GCNT2: variants seen among roughly 807,000 people sequenced by gnomAD.
The protein encoded by GCNT2 is glucosaminyl (N-acetyl) transferase 2 (I blood group).
A neutral mutation model predicts 34.2 loss-of-function variants in GCNT2; 34 were observed. The ratio of observed to expected loss-of-function variants is 1.00; its 90% CI spans 0.76 to 1.32. The LOEUF (loss-of-function observed/expected upper bound fraction) is 1.32, where lower values mean the gene tolerates loss of function less well. Ranked by LOEUF, GCNT2 falls within the 40% of genes most tolerant of loss-of-function variation. The pLI is 0.00. For synonymous variants in GCNT2, 212 were observed against 188.0 expected, an observed-to-expected ratio of 1.13 and a Z score of -1.04; for missense variants, 584 against 489.4, an observed-to-expected ratio of 1.19 and a Z score of -1.82.
At chr6:10,540,870 T>C (rs67028536) in intron 3 of GCNT2, among the ~76,000 whole-genome samples, 12,032 of 152,168 alleles carry the variant, frequency 0.079, 611 homozygotes, top group Middle Eastern at 0.16. Context: ...CAAACATCCT[T>C]TGCTGCCACC....
At chr6:10,525,271 A>G (rs1486372297) in intron 1 of GCNT2, among the ~76,000 whole-genome samples, 2 of 152,150 alleles carry the variant, frequency 1.3e-5, no homozygotes, top group East Asian at 3.8e-4. Flanking sequence ...CATAATATAC[A>G]CCCTGCCAGT....
At chr6:10,590,957 C>G (rs946503536) in intron 3 of GCNT2, among the ~76,000 whole-genome samples, 1 of 152,114 alleles carries the variant, frequency 6.6e-6, no homozygotes, top group African/African-American at 2.4e-5. Context: ...TTATGTCTAA[C>G]TCTGTCTAAC....
chr6:10,536,112 G>C (rs1761738771), intron 3 of GCNT2, among the ~76,000 whole-genome samples: 1 of 152,260 alleles, frequency 6.6e-6, no homozygotes, highest in Non-Finnish European at 1.5e-5. Context: ...TTTGGGAGCA[G>C]AGAAGGGCAG....
At chr6:10,613,085 G>A (rs1282870428) in intron 3 of GCNT2, among the ~76,000 whole-genome samples, 1 of 152,146 alleles carries the variant, frequency 6.6e-6, no homozygotes, top group Non-Finnish European at 1.5e-5. Flanking sequence ...GTATATATGT[G>A]AGCTTAAATA....
chr6:10,556,398 CTT>C (rs749542199), intron 3 of GCNT2: 2 of 1,613,210 alleles, frequency 1.2e-6, no homozygotes, highest in Non-Finnish European at 1.7e-6. Context: ...TTGACGGTCT[CTT>C]GACATTTCAC....
intron 3 of GCNT2, among the ~76,000 whole-genome samples, chr6:10,539,652 G>A (rs200387982): frequency 3.4e-5 from 5 of 147,620 alleles, no homozygotes; most frequent in Non-Finnish European, 6.0e-5. Context: ...GAGAGAGAGA[G>A]AAAACAGATG....
chr6:10,523,080 T>G (rs1244711433), intron 1 of GCNT2, among the ~76,000 whole-genome samples: 2 of 152,208 alleles, frequency 1.3e-5, no homozygotes, highest in Non-Finnish European at 2.9e-5. Flanking sequence ...CTATTTAACT[T>G]TGCTCAGTCT....
intron 3 of GCNT2, among the ~76,000 whole-genome samples, chr6:10,582,438 A>AT (rs1174624541): frequency 1.7e-5 from 2 of 120,186 alleles, no homozygotes; most frequent in Admixed American, 9.4e-5. Flanking sequence ...ATAATTTAAT[A>AT]TTTATTATAT....
At chr6:10,543,053 A>C (rs998205353) in intron 3 of GCNT2, among the ~76,000 whole-genome samples, 1 of 151,238 alleles carries the variant, frequency 6.6e-6, no homozygotes, top group African/African-American at 2.4e-5. Context: ...GATTACAGGC[A>C]TGCGCCACCA....
intron 3 of GCNT2, among the ~76,000 whole-genome samples, chr6:10,538,281 G>A (rs1441224119): frequency 2.0e-5 from 3 of 150,934 alleles, no homozygotes; most frequent in East Asian, 1.9e-4. Context: ...GGTGGTGCAC[G>A]CCTGTAATCC....
intron 3 of GCNT2, among the ~76,000 whole-genome samples, chr6:10,552,588 A>G (rs1378686076): frequency 6.6e-6 from 1 of 152,040 alleles, no homozygotes; most frequent in African/African-American, 2.4e-5. Flanking sequence ...TAATTTAGAG[A>G]TGATTTAAAG....
At chr6:10,579,827 A>C (rs1387750510) in intron 3 of GCNT2, among the ~76,000 whole-genome samples, 2 of 22,236 alleles carry the variant, frequency 9.0e-5, no homozygotes, top group Non-Finnish European at 2.3e-4. Context: ...AAAAACAAAC[A>C]AAAAAAAAAA....
chr6:10,617,750 C>CTTTTTTTTTTTTTTT lies in GCNT2; in HGVS notation c.926-3593_926-3579dup, dbSNP rs3064178. On this transcript the variant is annotated intron_variant, in intron 3 of 4. Transcript: ENST00000495262. Reference sequence around the variant, plus strand: ...CACCTGGCCAGAGTCTGCATTTCTTCTTTTTTTTTTTTTTTTTTTTTTGAC... The same window carrying CTTTTTTTTTTTTTTT: ...CACCTGGCCAGAGTCTGCATTTCTTCTTTTTTTTTTTTTTTTTTTTTTTTTTTTTTTTTTTTTGAC... Among the ~76,000 whole-genome samples, 70 of 101,690 alleles carry CTTTTTTTTTTTTTTT rather than the reference C, an allele frequency of 6.9e-4. 7 individuals carry two copies. The highest frequency in any genetic ancestry group is 3.4e-3 in the African/African-American group (67 of 19,898). The allele number at this position is 101,690 out of a possible 152,430, so 66.7% of individuals were successfully genotyped here.
At chr6:10,575,077 C>T in intron 3 of GCNT2, 1 of 565,910 alleles carries the variant, frequency 1.8e-6, no homozygotes, top group Non-Finnish European at 3.3e-6. Context: ...GGGGGTGTTC[C>T]TTTTTGAACA....
At chr6:10,540,443 G>A (rs914950544) in intron 3 of GCNT2, among the ~76,000 whole-genome samples, 2 of 152,050 alleles carry the variant, frequency 1.3e-5, no homozygotes, top group African/African-American at 4.8e-5. Context: ...TCCTGCAGAA[G>A]CAGCTCCCCT....
At chr6:10,580,759 T>C (rs1220606308) in intron 3 of GCNT2, among the ~76,000 whole-genome samples, 3 of 152,088 alleles carry the variant, frequency 2.0e-5, no homozygotes, top group Non-Finnish European at 4.4e-5. Flanking sequence ...TCACCTGCAG[T>C]GGAAGCAGAG....
chr6:10,624,165 G>T (rs1305676101), intron 4 of GCNT2, among the ~76,000 whole-genome samples: 1 of 152,140 alleles, frequency 6.6e-6, no homozygotes, highest in African/African-American at 2.4e-5. Context: ...CCCTTCCTAA[G>T]GGACACCTTT....
intron 3 of GCNT2, among the ~76,000 whole-genome samples, chr6:10,615,367 T>G (rs1055965336): frequency 2.0e-5 from 3 of 152,190 alleles, no homozygotes; most frequent in African/African-American, 7.2e-5. Flanking sequence ...CAGGCTAAAG[T>G]GCAGTGGCCT....
chr6:10,575,538 A>T (rs1763768965), intron 3 of GCNT2, among the ~76,000 whole-genome samples: 1 of 151,706 alleles, frequency 6.6e-6, no homozygotes, highest in Admixed American at 6.6e-5. Flanking sequence ...ATTTTTTTGT[A>T]TTTTTAGTGG....
Sources: allele counts gnomAD v4.1 joint callset (sites outside exome capture counted in the v4.1 genomes callset), GRCh38; gene constraint gnomAD v4.1.1; transcripts MANE v1.5; gene names NCBI Gene and HGNC (gene_info 2026-07-23, HGNC 2026-07-21).